The following LCORL variants were observed in gnomAD, a reference collection of about 807,000 sequenced individuals.
LCORL encodes ligand-dependent nuclear receptor corepressor-like protein.
Under a neutral mutation model 141.8 loss-of-function variants are expected in LCORL, and 41 were observed. That is an observed-to-expected ratio of 0.29 (90% CI 0.23 to 0.38). The LOEUF is 0.38. LCORL is among the 10% of genes least tolerant of loss of function. The pLI is 1.00. For missense variants in LCORL, 1,759 were observed against 2,035.0 expected, an observed-to-expected ratio of 0.86 and a Z score of 2.61; for synonymous variants, 618 against 694.1, an observed-to-expected ratio of 0.89 and a Z score of 1.72.
chr4:17,939,373 A>C (rs1737439900), intron 4 of LCORL, among the ~76,000 whole-genome samples: 2 of 152,214 alleles, frequency 1.3e-5, no homozygotes, highest in South Asian at 4.1e-4. Flanking sequence ...TTTCTGATAT[A>C]AATAGCTTTC....
At chr4:18,016,217 A>G (rs541025119) in intron 1 of LCORL, among the ~76,000 whole-genome samples, 2 of 152,310 alleles carry the variant, frequency 1.3e-5, no homozygotes, top group Non-Finnish European at 2.9e-5. Context: ...TATATGAAAG[A>G]CACATATCAA....
At chr4:17,842,444 A>G in exon 8 of LCORL, 1 of 1,332,494 alleles carries the variant, frequency 7.5e-7, no homozygotes, top group Non-Finnish European at 1.1e-6. Context: ...CAAGTAGAAA[A>G]AAACTAATTT....
intron 1 of LCORL, among the ~76,000 whole-genome samples, chr4:18,011,780 G>C (rs1560482971): frequency 6.6e-6 from 1 of 152,204 alleles, no homozygotes; most frequent in Non-Finnish European, 1.5e-5. Flanking sequence ...AGCTGCAATA[G>C]AGACCAGATG....
intron 6 of LCORL, chr4:17,883,607 A>T: frequency 7.3e-7 from 1 of 1,375,942 alleles, no homozygotes; most frequent in Non-Finnish European, 9.4e-7. Flanking sequence ...CAGAGTGAGC[A>T]TTTGTAATTC....
chr4:17,948,896 A>G (rs955207911), intron 4 of LCORL, among the ~76,000 whole-genome samples: 1 of 150,568 alleles, frequency 6.6e-6, no homozygotes, highest in African/African-American at 2.4e-5. Flanking sequence ...AAGGAAAGAG[A>G]GTTTCCAAGA....
intron 1 of LCORL, among the ~76,000 whole-genome samples, chr4:18,019,017 A>C (rs1230406863): frequency 6.6e-6 from 1 of 152,218 alleles, no homozygotes; most frequent in African/African-American, 2.4e-5. Context: ...ACTCCATTTA[A>C]TCCCAATTCA....
chr4:17,884,354 G>C lies in LCORL; in HGVS notation c.776+1714C>G, dbSNP rs1286882287. On this transcript the variant is annotated intron_variant, in intron 6 of 7. Coordinates refer to ENST00000635767, the Ensembl canonical transcript of LCORL. This position sits in a 1 kb window ranked among gnomAD's most constrained non-coding sequence, Gnocchi z 4.4. ...GCTTTCATTTTTTTCTTTAAACTGA[G>C]TGACCATTTTCTGTAGAGTTAGCTG... is the stretch of plus-strand genomic sequence containing the variant. 1 of 1,547,118 alleles carries C rather than the reference G, an allele frequency of 6.5e-7. No individual in the cohort carries two copies. The highest frequency in any genetic ancestry group is 2.0e-5 in the Admixed American group (1 of 49,878).
At chr4:17,893,597 T>C (rs1729437613) in intron 5 of LCORL, 1 of 985,282 alleles carries the variant, frequency 1.0e-6, no homozygotes. Context: ...GGTGGAAGAA[T>C]ACAGGAAAAT....
At chr4:17,871,574 A>G (rs533994272) in intron 7 of LCORL, among the ~76,000 whole-genome samples, 1 of 152,134 alleles carries the variant, frequency 6.6e-6, no homozygotes, top group South Asian at 2.1e-4. Flanking sequence ...TTCTGTTGTA[A>G]AATGAATTAA....
At chr4:17,909,140 G>T (rs753281104) in exon 5 of LCORL, 1 of 1,612,928 alleles carries the variant, frequency 6.2e-7, no homozygotes, top group Non-Finnish European at 8.5e-7. Context: ...TGAGGTCTAA[G>T]GGGCCTTCCT....
At chr4:17,981,048 T>G (rs1481815556) in intron 1 of LCORL, among the ~76,000 whole-genome samples, 1 of 152,222 alleles carries the variant, frequency 6.6e-6, no homozygotes, top group African/African-American at 2.4e-5. Flanking sequence ...TTCATAGTTC[T>G]TTAAGACTAA....
intron 1 of LCORL, among the ~76,000 whole-genome samples, chr4:17,997,585 C>G (rs1429562848): frequency 1.3e-5 from 2 of 152,006 alleles, no homozygotes; most frequent in Admixed American, 6.6e-5. Flanking sequence ...TTAGAGAACA[C>G]TAAAACAAGT....
At chr4:18,000,842 A>C (rs1416146805) in intron 1 of LCORL, among the ~76,000 whole-genome samples, 1 of 152,184 alleles carries the variant, frequency 6.6e-6, no homozygotes, top group Non-Finnish European at 1.5e-5. Context: ...TGGTTATAAG[A>C]GTATGTTCAT....
rs1293447449 is a variant in LCORL, at chr4:17,962,041, A to G, written c.301-9T>C. ...AGAGATGGTATACAATCCTAAAAGT[A>G]TAAGAAAACAACAACATACAGAATT... On this transcript the variant is annotated splice_polypyrimidine_tract_variant and intron_variant, in intron 3 of 7. Transcript: ENST00000635767. The G allele has an allele frequency of 1.3e-6, 2 of 1,561,166 alleles. No individual in the cohort carries two copies. Among genetic ancestry groups the G allele is most frequent in the South Asian group, 1.2e-5 (1 of 81,994 alleles).
chr4:17,972,090 T>C (rs901906005), intron 2 of LCORL, among the ~76,000 whole-genome samples: 10 of 151,950 alleles, frequency 6.6e-5, no homozygotes, highest in African/African-American at 2.4e-4. Context: ...TTTTGAAAAC[T>C]ATGCCAGTGA....
At chr4:17,972,436 A>C (rs1415447050) in intron 2 of LCORL, among the ~76,000 whole-genome samples, 2 of 151,830 alleles carry the variant, frequency 1.3e-5, no homozygotes, top group African/African-American at 4.8e-5. Flanking sequence ...ATTCAATTGA[A>C]CATTTAAATT....
At chr4:17,932,804 T>G (rs1736258999) in intron 4 of LCORL, among the ~76,000 whole-genome samples, 1 of 152,192 alleles carries the variant, frequency 6.6e-6, no homozygotes, top group Non-Finnish European at 1.5e-5. Flanking sequence ...CTGCAAAATC[T>G]CCAATATTTA....
chr4:17,969,427 CT>C (rs1398451204), intron 2 of LCORL, among the ~76,000 whole-genome samples: 1 of 152,140 alleles, frequency 6.6e-6, no homozygotes, highest in African/African-American at 2.4e-5. Flanking sequence ...AAATGTAAAC[CT>C]CTCAAAACAC....
At chr4:18,001,670 A>T (rs1324053865) in intron 1 of LCORL, among the ~76,000 whole-genome samples, 1 of 152,240 alleles carries the variant, frequency 6.6e-6, no homozygotes, top group East Asian at 1.9e-4. Flanking sequence ...TCAGTATGCA[A>T]CTATTTTTGA....
Sources: allele counts gnomAD v4.1 joint callset (sites outside exome capture counted in the v4.1 genomes callset), GRCh38; gene constraint gnomAD v4.1.1; non-coding constraint Gnocchi (gnomAD v3.1); transcripts MANE v1.5; gene names NCBI Gene and HGNC (gene_info 2026-07-23, HGNC 2026-07-21).